The following ENOX1 variants were observed in gnomAD, a reference collection of about 807,000 sequenced individuals.
ENOX1 encodes ecto-NOX disulfide-thiol exchanger 1.
A neutral mutation model predicts 82.5 loss-of-function variants in ENOX1; 42 were observed. The ratio of observed to expected loss-of-function variants is 0.51; its 90% CI spans 0.40 to 0.66. The LOEUF is 0.66. Ranked by LOEUF, ENOX1 falls within the 30% of genes least tolerant of loss-of-function variation. The probability of loss-of-function intolerance (pLI) is 0.00; values close to 1 mark genes in which losing one functional copy is unlikely to be tolerated. For synonymous variants in ENOX1, 271 were observed against 282.2 expected (o/e 0.96, Z 0.40); for missense variants, 608 against 811.6 (o/e 0.75, Z 3.05).
At chr13:43,658,992 T>C (rs990763831) in intron 2 of ENOX1, among the ~76,000 whole-genome samples, 3 of 152,154 alleles carry the variant, frequency 2.0e-5, no homozygotes, top group African/African-American at 7.2e-5. Context: ...GTTCTCTGAA[T>C]CTGGTGTACT....
chr13:43,519,533 G>A (rs1331007955), intron 2 of ENOX1, among the ~76,000 whole-genome samples: 2 of 152,066 alleles, frequency 1.3e-5, no homozygotes, highest in Non-Finnish European at 2.9e-5. Context: ...CCTCTCCAAG[G>A]ATCCACCCTT....
chr13:43,711,550 G>T (rs1022485956), intron 1 of ENOX1, among the ~76,000 whole-genome samples: 5 of 152,158 alleles, frequency 3.3e-5, no homozygotes, highest in African/African-American at 1.2e-4. Flanking sequence ...GTGTGAAAGT[G>T]TTCCTATTTC....
rs532244280 is a variant in ENOX1 at position 43,364,666 on chromosome 13, T to C, written c.209-3214A>G. 1.5e-3 allele frequency among the ~76,000 whole-genome samples: 219 copies of C among 149,928 alleles called. 1 individual carries two copies. The highest frequency in any genetic ancestry group is 3.4e-3 in the Middle Eastern group (1 of 292). ...TTCAGGATTTTAGAGGCATGGCAGT[T>C]GAATTAATTAAAGCACTCATTCATT... On this transcript the variant is annotated intron_variant, in intron 5 of 16. Coordinates refer to ENST00000690772, the MANE Select transcript of ENOX1 (RefSeq NM_001347969.2).
At chr13:43,633,714 G>GTGTGTGTGTGT (rs1566676781) in intron 2 of ENOX1, among the ~76,000 whole-genome samples, 1 of 144,964 alleles carries the variant, frequency 6.9e-6, no homozygotes. Context: ...GTGTGTGTGT[G>GTGTGTGTGTGT]GATAGGTGGG....
Position 43,344,620 on chromosome 13 carries a change from C to T in ENOX1, c.954G>A (p.Met318Ile). 6.2e-7 allele frequency: 1 copy of T among 1,614,150 alleles called. No homozygotes were observed. The highest frequency in any genetic ancestry group is 8.5e-7 in the Non-Finnish European group (1 of 1,180,024). ...QSANSHVRRL[M>I]NEKATHEQEM... Reference sequence around the variant, plus strand: ...CTTGCTCATGGGTGGCTTTTTCATTCATTAGCCGGCGGACGTGGCTGTTGG... The same window carrying T: ...CTTGCTCATGGGTGGCTTTTTCATTTATTAGCCGGCGGACGTGGCTGTTGG... The change falls in exon 9 of 17, where the codon ATG becomes ATA. Residue 318 changes from methionine (M) to isoleucine (I), a missense_variant. Coordinates refer to ENST00000690772, the MANE Select transcript of ENOX1 (RefSeq NM_001347969.2).
intron 12 of ENOX1, among the ~76,000 whole-genome samples, chr13:43,274,503 T>G (rs879729719): frequency 7.2e-5 from 11 of 152,264 alleles, no homozygotes; most frequent in Non-Finnish European, 1.3e-4. Context: ...CTGGTCTTTT[T>G]CACTTGAAAT....
chr13:43,214,481 C>G (rs551773193), intron 16 of ENOX1, among the ~76,000 whole-genome samples: 1 of 152,286 alleles, frequency 6.6e-6, no homozygotes, highest in Admixed American at 6.5e-5. Flanking sequence ...TGGAAAGCTA[C>G]TAGTGGCTTC....
chr13:43,332,928 A>G (rs1369994847), intron 9 of ENOX1, among the ~76,000 whole-genome samples: 5 of 152,212 alleles, frequency 3.3e-5, no homozygotes, highest in Non-Finnish European at 7.3e-5. Context: ...TTTAAAGGTA[A>G]CCAGTAACCA....
At chr13:43,325,779 G>C (rs1199000414) in intron 10 of ENOX1, among the ~76,000 whole-genome samples, 1 of 152,096 alleles carries the variant, frequency 6.6e-6, no homozygotes, top group Non-Finnish European at 1.5e-5. Flanking sequence ...AAAAATAACA[G>C]CTGGACGACC....
chr13:43,412,442 G>A (rs2054192387), intron 4 of ENOX1, among the ~76,000 whole-genome samples: 2 of 152,134 alleles, frequency 1.3e-5, no homozygotes, highest in East Asian at 3.9e-4. Context: ...TTCTTGAGCA[G>A]GCAGGCCTTC....
intron 3 of ENOX1, among the ~76,000 whole-genome samples, chr13:43,442,399 A>G (rs1177193697): frequency 6.6e-6 from 1 of 152,266 alleles, no homozygotes; most frequent in East Asian, 1.9e-4. Context: ...TTATTTTTCA[A>G]CTTAGCGAAT....
At chr13:43,539,568 C>T (rs1304044755) in intron 2 of ENOX1, among the ~76,000 whole-genome samples, 1 of 152,020 alleles carries the variant, frequency 6.6e-6, no homozygotes, top group Admixed American at 6.6e-5. Context: ...AGTTTTCAAT[C>T]CTTTGAAATA....
intron 15 of ENOX1, among the ~76,000 whole-genome samples, chr13:43,226,189 A>G (rs1475853120): frequency 2.6e-5 from 4 of 152,260 alleles, no homozygotes; most frequent in African/African-American, 7.2e-5. Context: ...GAGTTAAAAT[A>G]TAAAAGCTCA....
chr13:43,353,269 T>C (rs1413695510), intron 8 of ENOX1, among the ~76,000 whole-genome samples: 1 of 152,212 alleles, frequency 6.6e-6, no homozygotes, highest in Non-Finnish European at 1.5e-5. Context: ...GGACAGGACA[T>C]GGAGAGGGCC....
At chr13:43,548,753 C>T (rs1268930871) in intron 2 of ENOX1, among the ~76,000 whole-genome samples, 5 of 152,104 alleles carry the variant, frequency 3.3e-5, no homozygotes, top group Non-Finnish European at 7.4e-5. Context: ...CGGGACGACC[C>T]AAGGTGCGGC....
intron 9 of ENOX1, among the ~76,000 whole-genome samples, chr13:43,343,076 T>A (rs547609930): frequency 5.3e-4 from 81 of 152,342 alleles, no homozygotes; most frequent in African/African-American, 1.9e-3. Context: ...TTGATGCCAG[T>A]GAGCAAAAGA....
chr13:43,236,668 C>T lies in ENOX1; in HGVS notation c.1682G>A (p.Gly561Asp), dbSNP rs529596547. Reference sequence around the variant, plus strand: ...CAGAGCTTCTTTCTCTGATTTTAAGCCTTGGCTTCTTTTCTCAATATTGTT... The same window carrying T: ...CAGAGCTTCTTTCTCTGATTTTAAGTCTTGGCTTCTTTTCTCAATATTGTT... ...RENNIEKRSQ[G>D]LKSEKEALLI... is the part of the protein sequence containing the mutation. The change falls in exon 15 of 17, where the codon GGC (glycine) becomes GAC (aspartate). Residue 561 changes from glycine to aspartate, a missense_variant. By Grantham distance (94) the Gly-to-Asp change is moderately conservative (BLOSUM62 -1). Coordinates refer to ENST00000690772, the MANE Select transcript of ENOX1 (RefSeq NM_001347969.2). The T allele has an allele frequency of 6.3e-7, 1 of 1,586,286 alleles. No homozygotes were observed. The highest frequency in any genetic ancestry group is 8.5e-7 in the Non-Finnish European group (1 of 1,172,724).
chr13:43,768,374 G>C (rs1011807220), intron 1 of ENOX1, among the ~76,000 whole-genome samples: 4 of 152,188 alleles, frequency 2.6e-5, no homozygotes, highest in Non-Finnish European at 5.9e-5. Flanking sequence ...GGCTGAGTCA[G>C]GAGGATCACT....
intron 9 of ENOX1, among the ~76,000 whole-genome samples, chr13:43,331,548 A>G (rs961430108): frequency 2.6e-5 from 4 of 152,176 alleles, no homozygotes; most frequent in African/African-American, 7.2e-5. Flanking sequence ...TGAATAGCCC[A>G]TGAGAGATTT....
Sources: gnomAD v4.1 joint callset for allele counts (sites outside exome capture counted in the v4.1 genomes callset) on GRCh38, gnomAD v4.1.1 for gene constraint, MANE v1.5 for transcripts, NCBI Gene and HGNC (gene_info 2026-07-23, HGNC 2026-07-21) for gene names.